LARGE1: variants seen among roughly 807,000 people sequenced by gnomAD.
The protein encoded by LARGE1 is LARGE xylosyl- and glucuronyltransferase 1.
A neutral mutation model predicts 87.6 loss-of-function variants in LARGE1; 43 were observed. That is an observed-to-expected ratio of 0.49 (90% CI 0.38 to 0.63). The LOEUF (loss-of-function observed/expected upper bound fraction) is 0.63. Among genes scored for constraint, LARGE1 ranks in the 30% least tolerant of loss-of-function variants. The pLI, the probability that LARGE1 is intolerant of heterozygous loss-of-function variation, is 0.00. For synonymous variants in LARGE1, 434 were observed against 394.6 expected (o/e 1.10, Z -1.18); for missense variants, 802 against 1,000.2 (o/e 0.80, Z 2.67).
At chr22:33,848,144 G>T in intron 1 of LARGE1, among the ~76,000 whole-genome samples, 1 of 152,268 alleles carries the variant, frequency 6.6e-6, no homozygotes, top group South Asian at 2.1e-4. Context: ...ATCAGGCAGC[G>T]TATTTTTTTT....
chr22:33,628,676 C>T (rs1355636947), intron 3 of LARGE1, among the ~76,000 whole-genome samples: 1 of 152,148 alleles, frequency 6.6e-6, no homozygotes, highest in African/African-American at 2.4e-5. Flanking sequence ...ATATTCTGTG[C>T]CCCAGGCCCT....
At chr22:33,652,434 C>T (rs1197432309) in intron 2 of LARGE1, among the ~76,000 whole-genome samples, 1 of 152,070 alleles carries the variant, frequency 6.6e-6, no homozygotes, top group African/African-American at 2.4e-5. Flanking sequence ...ATAAAGTAGG[C>T]GCTCAAGGCA....
intron 1 of LARGE1, among the ~76,000 whole-genome samples, chr22:33,777,671 G>A (rs1400295055): frequency 2.2e-4 from 22 of 97,946 alleles, no homozygotes; most frequent in Admixed American, 1.8e-3. Flanking sequence ...AGGGGAAGGG[G>A]AAGGAGAAGG....
chr22:33,181,704 A>G (rs1349885058), intron 11 of LARGE1, among the ~76,000 whole-genome samples: 3 of 147,942 alleles, frequency 2.0e-5, no homozygotes, highest in Non-Finnish European at 4.5e-5. Flanking sequence ...AATTTTTTGT[A>G]TTTTTAGTAG....
At chr22:33,494,375 C>A (rs141583874) in intron 6 of LARGE1, among the ~76,000 whole-genome samples, 1 of 152,014 alleles carries the variant, frequency 6.6e-6, no homozygotes, top group African/African-American at 2.4e-5. Context: ...TGACAGCTTA[C>A]GTAAATGAAT....
At chr22:33,906,636 C>A (rs1050019937) in intron 1 of LARGE1, among the ~76,000 whole-genome samples, 10 of 152,280 alleles carry the variant, frequency 6.6e-5, no homozygotes, top group African/African-American at 2.2e-4. Flanking sequence ...TCTCTCTTAA[C>A]TGTCAGAGCC....
At chr22:33,383,343 T>C (rs2065218669) in intron 8 of LARGE1, among the ~76,000 whole-genome samples, 1 of 152,160 alleles carries the variant, frequency 6.6e-6, no homozygotes, top group Admixed American at 6.5e-5. Flanking sequence ...GCGGATCATC[T>C]GAGGTCAGGA....
intron 1 of LARGE1, among the ~76,000 whole-genome samples, chr22:33,875,148 C>T (rs1256670050): frequency 1.3e-5 from 2 of 152,192 alleles, no homozygotes; most frequent in East Asian, 3.9e-4. Context: ...CCATTGCCTC[C>T]AGAGGGGCAA....
chr22:33,898,260 T>C (rs965904788), intron 1 of LARGE1, among the ~76,000 whole-genome samples: 2 of 152,188 alleles, frequency 1.3e-5, no homozygotes, highest in East Asian at 3.9e-4. Context: ...TAACTTGGTG[T>C]GAGCCTACAC....
At chr22:33,571,587 G>A (rs1203892770) in intron 5 of LARGE1, among the ~76,000 whole-genome samples, 1 of 152,200 alleles carries the variant, frequency 6.6e-6, no homozygotes, top group Non-Finnish European at 1.5e-5. Context: ...TCTCCAAGAT[G>A]TGGATTTCCA....
At chr22:33,534,127 G>A (rs541789493) in intron 6 of LARGE1, among the ~76,000 whole-genome samples, 4 of 152,046 alleles carry the variant, frequency 2.6e-5, no homozygotes, top group African/African-American at 9.6e-5. Context: ...GAAGTCAGCC[G>A]GGCGTGGTGG....
At chr22:33,131,840 C>A in the LARGE1 span, among the ~76,000 whole-genome samples, 1 of 150,770 alleles carries the variant, frequency 6.6e-6, no homozygotes. Context: ...TAAAGACATA[C>A]CTGAGACTAG....
intron 10 of LARGE1, among the ~76,000 whole-genome samples, chr22:33,324,526 G>C (rs1217123303): frequency 1.3e-5 from 2 of 152,168 alleles, no homozygotes; most frequent in Non-Finnish European, 2.9e-5. Context: ...AAATGCATTT[G>C]CTAAACTGCT....
At position 33,675,981 on chromosome 22, in the gene LARGE1, C is replaced by G. The variant is rs138732154; in HGVS notation, c.107-25313G>C. Among the ~76,000 whole-genome samples, 725 of 150,416 alleles carry G rather than the reference C, an allele frequency of 4.8e-3. 7 individuals are homozygous for G. Among genetic ancestry groups the G allele is most frequent in the African/African-American group, 0.017 (694 of 40,516 alleles). ...CCACGACATTTTCACCAAACCATAC[C>G]TCTTATAAAGCCTGGAGGTTTTCTT... On this transcript the variant is annotated intron_variant, in intron 2 of 14. Transcript: ENST00000397394.
chr22:33,826,758 C>T (rs5754709), intron 1 of LARGE1, among the ~76,000 whole-genome samples: 14,414 of 152,112 alleles, frequency 0.095, 749 homozygotes, highest in Middle Eastern at 0.18. Flanking sequence ...TTTCCTATTT[C>T]CAAATCAGGG....
At chr22:33,490,839 G>A (rs1389952084) in intron 6 of LARGE1, among the ~76,000 whole-genome samples, 1 of 152,214 alleles carries the variant, frequency 6.6e-6, no homozygotes, top group Non-Finnish European at 1.5e-5. Flanking sequence ...ACCATGAGCT[G>A]CAGAGCTGCT....
the LARGE1 span, among the ~76,000 whole-genome samples, chr22:33,086,865 A>G: frequency 1.3e-5 from 2 of 152,116 alleles, no homozygotes; most frequent in African/African-American, 4.8e-5. Flanking sequence ...TTTTTGTAAA[A>G]TATCATTTTT....
intron 11 of LARGE1, among the ~76,000 whole-genome samples, chr22:33,195,148 G>A (rs897860008): frequency 6.6e-6 from 1 of 151,708 alleles, no homozygotes; most frequent in South Asian, 2.1e-4. Flanking sequence ...ATTTAAATTG[G>A]TTACTTTTAG....
chr22:33,401,930 G>A (rs1415006062), intron 7 of LARGE1, among the ~76,000 whole-genome samples: 2 of 152,096 alleles, frequency 1.3e-5, no homozygotes, highest in East Asian at 1.9e-4. Flanking sequence ...CTAGTCCCTG[G>A]GTGCCCCAGC....
Sources: gnomAD v4.1 joint callset for allele counts (sites outside exome capture counted in the v4.1 genomes callset) on GRCh38, gnomAD v4.1.1 for gene constraint, MANE v1.5 for transcripts, NCBI Gene and HGNC (gene_info 2026-07-23, HGNC 2026-07-21) for gene names.